The following IL34 variants were observed in gnomAD, a reference collection of about 807,000 sequenced individuals.
IL34 encodes the protein interleukin-34.
IL34 carries 17 observed loss-of-function variants against 25.3 expected under a neutral mutation model. The observed-to-expected ratio is 0.67, with a 90% confidence interval of 0.46 to 1.01. IL34 has a LOEUF of 1.01. Ranked by LOEUF, IL34 falls within the 50% of genes least tolerant of loss-of-function variation. The probability of loss-of-function intolerance (pLI) is 0.00; values close to 1 mark genes in which losing one functional copy is unlikely to be tolerated. For missense variants in IL34, 368 were observed against 312.9 expected (o/e 1.18, Z -1.33); for synonymous variants, 174 against 140.9 (o/e 1.23, Z -1.66).
Position 70,660,018 on chromosome 16 carries a change from A to C in IL34, c.560A>C (p.Asn187Thr), listed in dbSNP as rs1166661035. ...CSCCKQSSVL[N>T]WQDCEVPSPQ... is the part of the protein sequence containing the mutation. ...GCAGGTAAACAAAGCTCCGTCCTAAACTGGCAGGACTGTGAGGTGCCAAGT... is the reference window on the plus strand; with the variant it reads ...GCAGGTAAACAAAGCTCCGTCCTAACCTGGCAGGACTGTGAGGTGCCAAGT... Residue 187 changes from asparagine to threonine, a missense_variant, in exon 6 of 6, where the codon AAC becomes ACC. By Grantham distance (65) the Asn-to-Thr change is moderately conservative (BLOSUM62 0). Coordinates refer to ENST00000288098, the MANE Select transcript of IL34 (RefSeq NM_001393494.1). 2 of 1,598,760 alleles carry C rather than the reference A, an allele frequency of 1.3e-6. No homozygotes were observed. Among genetic ancestry groups the C allele is most frequent in the Non-Finnish European group, 1.7e-6 (2 of 1,175,214 alleles).
intron 1 of IL34, among the ~76,000 whole-genome samples, chr16:70,617,156 A>G (rs1048610428): frequency 1.3e-5 from 2 of 152,110 alleles, no homozygotes; most frequent in Admixed American, 6.5e-5. Context: ...ATTATTGGTG[A>G]TGGCCTGGAT....
chr16:70,640,642 AGT>A (rs1186475350), intron 1 of IL34, among the ~76,000 whole-genome samples: 8 of 151,000 alleles, frequency 5.3e-5, no homozygotes, highest in African/African-American at 1.2e-4. Flanking sequence ...AAAAAAAAAA[AGT>A]TAGTTTTTAA....
At chr16:70,632,679 A>G (rs551009929) in intron 1 of IL34, among the ~76,000 whole-genome samples, 1 of 152,178 alleles carries the variant, frequency 6.6e-6, no homozygotes, top group East Asian at 1.9e-4. Flanking sequence ...GAGAGAGTGA[A>G]GGGGGTATTT....
At chr16:70,587,370 C>G (rs915064945) in intron 1 of IL34, among the ~76,000 whole-genome samples, 5 of 151,996 alleles carry the variant, frequency 3.3e-5, no homozygotes, top group Admixed American at 6.6e-5. Flanking sequence ...CCCGGGTTCA[C>G]GCCATTCTCC....
At position 70,600,696 on chromosome 16, in the gene IL34, C is replaced by T. The variant is rs143443487; in HGVS notation, c.-401+20647C>T. ...ACAATCAGTCGTGCATTAGGCTTGACGAAATGAGGTGTAACTGGTTGATAT... is the reference window on the plus strand; with the variant it reads ...ACAATCAGTCGTGCATTAGGCTTGATGAAATGAGGTGTAACTGGTTGATAT... On this transcript the variant is annotated intron_variant, in intron 1 of 6. Transcript: ENST00000429149. 1.9e-4 allele frequency among the ~76,000 whole-genome samples: 29 copies of T among 152,230 alleles called. No homozygotes were observed. The East Asian group carries it at 4.4e-3, about 23-fold the overall frequency.
intron 1 of IL34, among the ~76,000 whole-genome samples, chr16:70,647,284 G>C (rs1597775552): frequency 1.3e-5 from 2 of 152,240 alleles, no homozygotes; most frequent in Admixed American, 1.3e-4. Context: ...GTGGGTGTTG[G>C]GGAGCCCCGG....
At chr16:70,621,145 C>T (rs1297059582) in intron 1 of IL34, among the ~76,000 whole-genome samples, 1 of 151,980 alleles carries the variant, frequency 6.6e-6, no homozygotes, top group Non-Finnish European at 1.5e-5. Context: ...GGGGTACTTG[C>T]CCCTGCCCCA....
In IL34 at chr16:70,593,752, C is replaced by T. The variant is rs1298054287; in HGVS notation, c.-401+13703C>T. Reference sequence around the variant, plus strand: ...GTGTTGCCCAGCCTGATCTCAGACTCCTGCCCTCAAGCAATCCTCCTGCTT... The same window carrying T: ...GTGTTGCCCAGCCTGATCTCAGACTTCTGCCCTCAAGCAATCCTCCTGCTT... On this transcript the variant is annotated intron_variant, in intron 1 of 6. Transcript: ENST00000429149. Among the ~76,000 whole-genome samples, 6 of 152,150 alleles carry T rather than the reference C, an allele frequency of 3.9e-5. No individual in the cohort carries two copies. In the East Asian group the frequency reaches 9.6e-4, roughly 24 times the overall value.
chr16:70,639,613 C>T (rs975843141), intron 1 of IL34, among the ~76,000 whole-genome samples: 6 of 110,520 alleles, frequency 5.4e-5, no homozygotes, highest in Admixed American at 8.5e-5. Flanking sequence ...TGTATCGTGA[C>T]GAAGGGCTTG....
In IL34 at chr16:70,651,063, T is replaced by G. The variant is rs550154683; in HGVS notation, c.29-3475T>G. ...GTCTCTACTAAAAATACAAAAAAAA[T>G]TAGCCGGATGTGGTGGCGCGCACCT... is the stretch of plus-strand genomic sequence containing the variant. On this transcript the variant is annotated intron_variant, in intron 1 of 5. Transcript: ENST00000288098. 3.2e-3 allele frequency among the ~76,000 whole-genome samples: 487 copies of G among 152,010 alleles called. 1 individual carries two copies. Among genetic ancestry groups the G allele is most frequent in the African/African-American group, 0.011 (470 of 41,428 alleles).
upstream of IL34, among the ~76,000 whole-genome samples, chr16:70,641,817 C>T (rs867047802): frequency 4.7e-3 from 697 of 148,210 alleles, 5 homozygotes; most frequent in African/African-American, 0.015. Context: ...TCCACCCCCC[C>T]GCAACCTCCC....
chr16:70,598,116 T>C (rs1178982138), intron 1 of IL34, among the ~76,000 whole-genome samples: 1 of 152,086 alleles, frequency 6.6e-6, no homozygotes, highest in African/African-American at 2.4e-5. Flanking sequence ...AAAGTGCTGG[T>C]ATTACAGGCA....
chr16:70,617,001 G>C (rs1166169189), intron 1 of IL34, among the ~76,000 whole-genome samples: 2 of 152,080 alleles, frequency 1.3e-5, no homozygotes, highest in African/African-American at 2.4e-5. Flanking sequence ...GGTATGGAGA[G>C]AGAGTGGGCG....
intron 1 of IL34, among the ~76,000 whole-genome samples, chr16:70,615,093 G>A (rs1323391505): frequency 6.6e-6 from 1 of 152,160 alleles, no homozygotes; most frequent in African/African-American, 2.4e-5. Context: ...CTGATCTATG[G>A]CTCCCCTGTT....
At chr16:70,623,956 T>A (rs1260216733) in intron 1 of IL34, among the ~76,000 whole-genome samples, 1 of 105,502 alleles carries the variant, frequency 9.5e-6, no homozygotes, top group African/African-American at 3.3e-5. Context: ...TCCGTATTGA[T>A]TAAGGCGACG....
chr16:70,609,269 G>A (rs1296803814), intron 1 of IL34, among the ~76,000 whole-genome samples: 2 of 152,030 alleles, frequency 1.3e-5, no homozygotes, highest in Non-Finnish European at 2.9e-5. Flanking sequence ...AGTAGAGACG[G>A]GGTTTCGCCA....
Position 70,660,195 on chromosome 16 carries a change from G to T in IL34, c.*8G>T. On this transcript the variant is annotated 3_prime_UTR_variant, in exon 6 of 6. Transcript: ENST00000288098. ...GAGGGCCTCTTGCCCTGAGCACCCT[G>T]GATGGTGACTGCGGATAGGGGCAGC... The T allele has an allele frequency of 6.4e-7, 1 of 1,559,554 alleles. No homozygotes were observed. The highest frequency in any genetic ancestry group is 2.3e-5 in the East Asian group (1 of 44,280).
intron 1 of IL34, among the ~76,000 whole-genome samples, chr16:70,619,878 C>T (rs1035691723): frequency 1.1e-4 from 16 of 152,314 alleles, no homozygotes; most frequent in East Asian, 9.6e-4. Context: ...GGAGGAATCC[C>T]GGGCTGCCGG....
At chr16:70,659,857 TC>T in intron 5 of IL34, 104 bp downstream of exon 5, 1 of 1,493,988 alleles carries the variant, frequency 6.7e-7, no homozygotes, top group Non-Finnish European at 9.0e-7. Context: ...TATCCTCTGC[TC>T]CCCGGGGCTA....
Sources: allele counts gnomAD v4.1 joint callset (sites outside exome capture counted in the v4.1 genomes callset), GRCh38; gene constraint gnomAD v4.1.1; transcripts MANE v1.5; gene names NCBI Gene and HGNC (gene_info 2026-07-23, HGNC 2026-07-21).